BNC2: variants seen among roughly 807,000 people sequenced by gnomAD.
BNC2 encodes the protein zinc finger protein basonuclin-2.
Under a neutral mutation model 76.3 loss-of-function variants are expected in BNC2, and 20 were observed. That is an observed-to-expected ratio of 0.26 (90% CI 0.18 to 0.38). The LOEUF (loss-of-function observed/expected upper bound fraction) is 0.38. BNC2 is among the 10% of genes least tolerant of loss of function. The pLI is 1.00. For synonymous variants in BNC2, 582 were observed against 514.8 expected, an observed-to-expected ratio of 1.13 and a Z score of -1.77; for missense variants, 1,382 against 1,399.8, an observed-to-expected ratio of 0.99 and a Z score of 0.20.
intron 1 of BNC2, among the ~76,000 whole-genome samples, chr9:16,825,776 G>T (rs1405742296): frequency 6.6e-6 from 1 of 152,034 alleles, no homozygotes; most frequent in African/African-American, 2.4e-5. Context: ...ATTTGTGGAA[G>T]GTGTTTTTCA....
intron 3 of BNC2, among the ~76,000 whole-genome samples, chr9:16,590,062 C>T (rs1249856487): frequency 6.6e-6 from 1 of 151,788 alleles, no homozygotes; most frequent in African/African-American, 2.4e-5. Context: ...AGTTCGAGAC[C>T]AGCCTGGGCA....
At chr9:16,521,582 A>G (rs1197307685) in intron 5 of BNC2, among the ~76,000 whole-genome samples, 4 of 152,136 alleles carry the variant, frequency 2.6e-5, no homozygotes, top group Non-Finnish European at 4.4e-5. Context: ...CTTCTGAGGG[A>G]GGGGACGGGA....
chr9:16,834,650 T>G (rs1246454872), intron 1 of BNC2, among the ~76,000 whole-genome samples: 1 of 152,236 alleles, frequency 6.6e-6, no homozygotes, highest in Non-Finnish European at 1.5e-5. Context: ...TTTTGCCTGA[T>G]TATCTAATAA....
chr9:16,526,335 G>A lies in BNC2; in HGVS notation c.669+26195C>T, dbSNP rs79863077. ...GATAAGGATAACAAAGATCGTTTAC[G>A]AGGTAAATTCCTTTCCAAATGAAAA... On this transcript the variant is annotated intron_variant, in intron 5 of 6. Coordinates refer to ENST00000380672, the MANE Select transcript of BNC2 (RefSeq NM_017637.6). Among the ~76,000 whole-genome samples the A allele has an allele frequency of 7.8e-3, 1,194 of 152,172 alleles. 40 individuals carry two copies. The South Asian group carries it at 0.12, about 15-fold the overall frequency.
intron 3 of BNC2, among the ~76,000 whole-genome samples, chr9:16,723,501 TGG>T (rs5896702): frequency 1.3e-4 from 19 of 149,706 alleles, no homozygotes; most frequent in Admixed American, 7.3e-4. Context: ...TCAAAAAAAT[TGG>T]GGGGGGGGAC....
At chr9:16,767,551 C>CAT (rs56158809) in intron 1 of BNC2, among the ~76,000 whole-genome samples, 1 of 151,524 alleles carries the variant, frequency 6.6e-6, no homozygotes, top group Admixed American at 6.6e-5. Context: ...AGCCTGTATA[C>CAT]AGAGTTGAGG....
Position 16,415,055 on chromosome 9 carries a change from G to A in BNC2, c.*3934C>T, listed in dbSNP as rs1263361193. On this transcript the variant is annotated 3_prime_UTR_variant, in exon 7 of 7. Transcript: ENST00000380672. The stretch of plus-strand genomic sequence containing the variant: ...ACACTATGAGGACAGTGGCACCATT[G>A]TGCCAAAAAGGTTTTAAAAAATGTT... 6.6e-6 allele frequency: 1 copy of A among 151,328 alleles called. No homozygotes were observed. The highest frequency in any genetic ancestry group is 1.5e-5 in the Non-Finnish European group (1 of 67,974). 9.4% of individuals were successfully genotyped at this position (151,328 alleles called of 1,614,324 possible).
Position 16,589,779 on chromosome 9 carries a change from A to T in BNC2, c.331-6694T>A, listed in dbSNP as rs191404964. On this transcript the variant is annotated intron_variant, in intron 3 of 6. Coordinates refer to ENST00000380672, the MANE Select transcript of BNC2 (RefSeq NM_017637.6). ...CGCCTCGGCCTCTCAAAGTGCTGGA[A>T]TTACAGGCGTAAGCCACGGTGCCTG... is the stretch of plus-strand genomic sequence containing the variant. Among the ~76,000 whole-genome samples the T allele has an allele frequency of 7.2e-4, 109 of 152,252 alleles. 1 individual carries two copies. Among genetic ancestry groups the T allele is most frequent in the African/African-American group, 2.6e-3 (107 of 41,580 alleles).
At chr9:16,586,757 T>G (rs1021753513) in intron 3 of BNC2, among the ~76,000 whole-genome samples, 1 of 152,092 alleles carries the variant, frequency 6.6e-6, no homozygotes, top group Non-Finnish European at 1.5e-5. Context: ...GCCTCTTAAG[T>G]GGTGGGAAGT....
chr9:16,511,798 A>C (rs1234996766), intron 5 of BNC2, among the ~76,000 whole-genome samples: 1 of 152,154 alleles, frequency 6.6e-6, no homozygotes, highest in Non-Finnish European at 1.5e-5. Flanking sequence ...AAAGTAAGCA[A>C]AGGTATTTTT....
intron 3 of BNC2, among the ~76,000 whole-genome samples, chr9:16,682,814 C>T (rs1822864751): frequency 6.6e-6 from 1 of 152,142 alleles, no homozygotes; most frequent in Admixed American, 6.6e-5. Context: ...AAGAACTGTG[C>T]TGAGCTAAAT....
chr9:16,737,646 T>TA (rs1387132112), intron 2 of BNC2, among the ~76,000 whole-genome samples: 21 of 152,040 alleles, frequency 1.4e-4, no homozygotes, highest in Non-Finnish European at 2.2e-4. Context: ...AGAGACTATT[T>TA]ATATACATAC....
intron 5 of BNC2, among the ~76,000 whole-genome samples, chr9:16,532,495 T>A (rs1818013054): frequency 6.6e-6 from 1 of 152,210 alleles, no homozygotes; most frequent in Non-Finnish European, 1.5e-5. Context: ...ATCTTCCTAT[T>A]CACCAGAAAT....
intron 5 of BNC2, among the ~76,000 whole-genome samples, chr9:16,531,181 A>G (rs1817963292): frequency 6.6e-6 from 1 of 152,230 alleles, no homozygotes; most frequent in Non-Finnish European, 1.5e-5. Flanking sequence ...GGAAGAAGGT[A>G]GAAAACAAAA....
chr9:16,504,973 T>C (rs768388724), intron 5 of BNC2, among the ~76,000 whole-genome samples: 30 of 152,200 alleles, frequency 2.0e-4, no homozygotes, highest in Non-Finnish European at 3.4e-4. Flanking sequence ...TATCATGTAG[T>C]AGGTAAAAGA....
rs1232633385 is a variant in BNC2 at position 16,437,530 on chromosome 9, G to C, written c.670-6C>G. Reference sequence around the variant, plus strand: ...AGCACCTTGCCAGCAGCATCCTAGAGGCCACATCAAAGAAACAACAAAGAC... The same window carrying C: ...AGCACCTTGCCAGCAGCATCCTAGACGCCACATCAAAGAAACAACAAAGAC... On this transcript the variant is annotated splice_polypyrimidine_tract_variant and splice_region_variant and intron_variant, in intron 5 of 6. Transcript: ENST00000380672. 6.2e-7 allele frequency: 1 copy of C among 1,610,766 alleles called. No individual in the cohort carries two copies. Among genetic ancestry groups the C allele is most frequent in the Non-Finnish European group, 8.5e-7 (1 of 1,179,926 alleles).
chr9:16,594,595 G>A (rs1055254919), intron 3 of BNC2, among the ~76,000 whole-genome samples: 7 of 152,290 alleles, frequency 4.6e-5, no homozygotes, highest in Middle Eastern at 3.4e-3. Context: ...TAACATTTCA[G>A]ATGACAACTG....
At chr9:16,682,797 C>T (rs1395191980) in intron 3 of BNC2, among the ~76,000 whole-genome samples, 1 of 152,106 alleles carries the variant, frequency 6.6e-6, no homozygotes, top group Admixed American at 6.6e-5. Flanking sequence ...GAATTCCCAA[C>T]CAAGAAAAGA....
intron 4 of BNC2, chr9:16,580,226 A>C (rs1819595640): frequency 5.0e-6 from 2 of 398,114 alleles, no homozygotes; most frequent in Non-Finnish European, 8.9e-6. Flanking sequence ...CCCACTGCCA[A>C]CTCCAAGGCT....
Sources: gnomAD v4.1 joint callset for allele counts (sites outside exome capture counted in the v4.1 genomes callset) on GRCh38, gnomAD v4.1.1 for gene constraint, MANE v1.5 for transcripts, NCBI Gene and HGNC (gene_info 2026-07-23, HGNC 2026-07-21) for gene names.